B3GALNT1: variants seen among roughly 807,000 people sequenced by gnomAD.
B3GALNT1 encodes the protein beta-1,3-N-acetylgalactosaminyltransferase 1 (Globoside blood group).
In B3GALNT1, 17 loss-of-function variants were observed where a neutral mutation model predicts 27.3. The observed-to-expected ratio is 0.62, with a 90% CI of 0.43 to 0.94. The LOEUF is 0.94. Ranked by LOEUF, B3GALNT1 falls within the 40% of genes least tolerant of loss-of-function variation. B3GALNT1 has a pLI of 0.00. For synonymous variants in B3GALNT1, 141 were observed against 144.0 expected (o/e 0.98, Z 0.15); for missense variants, 347 against 390.0 (o/e 0.89, Z 0.93).
Position 161,101,212 on chromosome 3 carries a change from C to A in B3GALNT1, c.-108G>T, listed in dbSNP as rs978148581. On this transcript the variant is annotated 5_prime_UTR_variant, in exon 4 of 5. Transcript: ENST00000320474. ...CAGCGGGAAGAGCCAACAGGTCAAC[C>A]GGGTCCAGGGAGCTAAGAAAACTGG... 1 of 1,289,812 alleles carries A rather than the reference C, an allele frequency of 7.8e-7. No individual in the cohort carries two copies. The highest frequency in any genetic ancestry group is 1.2e-5 in the South Asian group (1 of 81,014). The allele number at this position is 1,289,812 out of a possible 1,614,324, so 79.9% of individuals were successfully genotyped here.
chr3:161,093,046 C>T (rs962162531), intron 4 of B3GALNT1, among the ~76,000 whole-genome samples: 34 of 152,064 alleles, frequency 2.2e-4, no homozygotes, highest in African/African-American at 6.3e-4. Flanking sequence ...CGTGAGCCAC[C>T]GCACCAGGCC....
rs1485193536 is a variant in B3GALNT1 at position 161,103,525 on chromosome 3, G to A, written c.-220-8C>T. The A allele has an allele frequency of 2.6e-6, 3 of 1,161,320 alleles. No homozygotes were observed. Among genetic ancestry groups the A allele is most frequent in the Non-Finnish European group, 3.4e-6 (3 of 883,488 alleles). The allele number at this position is 1,161,320 out of a possible 1,614,324, so 71.9% of individuals were successfully genotyped here. A position where few individuals can be genotyped will look rare whatever the true frequency, so the allele number is the denominator to read the frequency against. ...CAGATCTGTTGTGAACTACTGAACA[G>A]AAGAACAGAAAAAAATATATATGAG... On this transcript the variant is annotated splice_region_variant and splice_polypyrimidine_tract_variant and intron_variant, in intron 2 of 4. Coordinates refer to ENST00000320474, the MANE Select transcript of B3GALNT1 (RefSeq NM_003781.4).
intron 4 of B3GALNT1, among the ~76,000 whole-genome samples, chr3:161,092,807 C>T (rs188151686): frequency 1.4e-5 from 2 of 138,790 alleles, no homozygotes; most frequent in Admixed American, 1.5e-4. Context: ...CGCTCTGTCG[C>T]CCAGGCTGGA....
intron 4 of B3GALNT1, among the ~76,000 whole-genome samples, chr3:161,099,761 G>A (rs574400793): frequency 6.9e-4 from 105 of 152,210 alleles, no homozygotes; most frequent in African/African-American, 2.4e-3. Context: ...GAATGGCAGT[G>A]CTAACAGAAA....
intron 1 of B3GALNT1, chr3:161,105,021 C>G (rs1355228937): frequency 6.6e-6 from 1 of 152,358 alleles, no homozygotes; most frequent in Admixed American, 6.5e-5. Context: ...GGCAGCTGCT[C>G]GTCACCGAGA....
chr3:161,099,255 A>G (rs1244154005), intron 4 of B3GALNT1, among the ~76,000 whole-genome samples: 1 of 152,198 alleles, frequency 6.6e-6, no homozygotes, highest in African/African-American at 2.4e-5. Context: ...TTCTAATTAA[A>G]GAACGTGGGC....
intron 4 of B3GALNT1, among the ~76,000 whole-genome samples, chr3:161,087,581 A>G (rs1186732875): frequency 6.6e-6 from 1 of 152,194 alleles, no homozygotes; most frequent in Non-Finnish European, 1.5e-5. Flanking sequence ...CTCTTCAGAA[A>G]TCACACACCC....
In B3GALNT1 at chr3:161,084,418, T is replaced by C. The variant is rs1357465313; in HGVS notation, c.*1341A>G. Reference sequence around the variant, plus strand: ...ATGAGTATTACAAGAGCTGACTACATACTTTCAAGTTTATATTTCCTGACA... The same window carrying C: ...ATGAGTATTACAAGAGCTGACTACACACTTTCAAGTTTATATTTCCTGACA... On this transcript the variant is annotated 3_prime_UTR_variant, in exon 5 of 5. Coordinates refer to ENST00000320474, the MANE Select transcript of B3GALNT1 (RefSeq NM_003781.4). 6.6e-6 allele frequency: 1 copy of C among 152,210 alleles called. No homozygotes were observed. Among genetic ancestry groups the C allele is most frequent in the Non-Finnish European group, 1.5e-5 (1 of 68,026 alleles). 9.4% of individuals were successfully genotyped at this position (152,210 alleles called of 1,614,324 possible). A position where few individuals can be genotyped will look rare whatever the true frequency, so the allele number is the denominator to read the frequency against.
intron 4 of B3GALNT1, among the ~76,000 whole-genome samples, chr3:161,099,380 G>T (rs772130381): frequency 1.1e-4 from 16 of 152,182 alleles, no homozygotes; most frequent in Non-Finnish European, 2.1e-4. Flanking sequence ...GAAATTTGAT[G>T]GGAACACATT....
At chr3:161,090,934 T>A (rs763706964) in intron 4 of B3GALNT1, among the ~76,000 whole-genome samples, 69 of 152,100 alleles carry the variant, frequency 4.5e-4, no homozygotes, top group Non-Finnish European at 1.5e-4. Context: ...AGGAAGCAAA[T>A]AGCTCTAATT....
At chr3:161,104,222 A>G (rs979018993) in intron 2 of B3GALNT1, 97 bp downstream of exon 2, 1 of 959,506 alleles carries the variant, frequency 1.0e-6, no homozygotes, top group Non-Finnish European at 1.4e-6. Flanking sequence ...ATGCATACTA[A>G]GAGCACAAAT....
intron 3 of B3GALNT1, among the ~76,000 whole-genome samples, chr3:161,102,601 G>A (rs1040061943): frequency 2.0e-5 from 3 of 152,148 alleles, no homozygotes; most frequent in Non-Finnish European, 4.4e-5. Context: ...ATAGTCCCAA[G>A]AGAGATGTTT....
At chr3:161,101,267 A>G in intron 3 of B3GALNT1, 34 bp from the exon 4 acceptor site, 3 of 1,243,200 alleles carry the variant, frequency 2.4e-6, no homozygotes, top group Non-Finnish European at 3.2e-6. Context: ...AGTCAGGCAG[A>G]ACAGCAGCAA....
At chr3:161,096,938 C>T (rs1050946260) in intron 4 of B3GALNT1, among the ~76,000 whole-genome samples, 3 of 152,174 alleles carry the variant, frequency 2.0e-5, no homozygotes, top group Non-Finnish European at 2.9e-5. Flanking sequence ...TTTTAGTATA[C>T]GTGCTGCCAA....
Position 161,085,856 on chromosome 3 carries a change from C to T in B3GALNT1, c.899G>A (p.Cys300Tyr). 1 of 1,614,098 alleles carries T rather than the reference C, an allele frequency of 6.2e-7. No homozygotes were observed. Among genetic ancestry groups the T allele is most frequent in the Non-Finnish European group, 8.5e-7 (1 of 1,179,992 alleles). ...GGCTGCAATCACACGTCTCAGTTGA[C>T]AGACATCCAAATGGATTCTATATAG... Reference protein sequence around the residue: ...FFLYRIHLDVCQLRRVIAAHG... With the variant: ...FFLYRIHLDVYQLRRVIAAHG... Residue 300 changes from cysteine to tyrosine, a missense_variant, in exon 5 of 5, where the codon TGT becomes TAT. Cys to Tyr is a radical substitution (Grantham distance 194, BLOSUM62 -2). Coordinates refer to ENST00000320474, the MANE Select transcript of B3GALNT1 (RefSeq NM_003781.4).
rs1386723123 is a variant in B3GALNT1 at position 161,084,343 on chromosome 3, C to T, written c.*1416G>A. The T allele has an allele frequency of 6.6e-6, 1 of 152,172 alleles. No homozygotes were observed. Among genetic ancestry groups the T allele is most frequent in the Non-Finnish European group, 1.5e-5 (1 of 68,020 alleles). The allele number at this position is 152,172 out of a possible 1,614,324, so 9.4% of individuals were successfully genotyped here. ...GACATCACCTTGTTATACAGAATCA[C>T]ACATTATAGTTTTAACTGAAGTTGT... is the stretch of plus-strand genomic sequence containing the variant. On this transcript the variant is annotated 3_prime_UTR_variant, in exon 5 of 5. Coordinates refer to ENST00000320474, the MANE Select transcript of B3GALNT1 (RefSeq NM_003781.4).
intron 4 of B3GALNT1, among the ~76,000 whole-genome samples, chr3:161,099,825 C>T (rs1730243715): frequency 6.6e-6 from 1 of 152,080 alleles, no homozygotes; most frequent in Non-Finnish European, 1.5e-5. Context: ...CACACACACA[C>T]ACACACCCCT....
intron 4 of B3GALNT1, among the ~76,000 whole-genome samples, chr3:161,100,271 G>T (rs1186386980): frequency 3.9e-5 from 6 of 152,254 alleles, no homozygotes; most frequent in Admixed American, 2.0e-4. Flanking sequence ...GAATGAATTT[G>T]AAGTATTTAC....
chr3:161,094,848 C>G (rs937956591), intron 4 of B3GALNT1, among the ~76,000 whole-genome samples: 3 of 152,132 alleles, frequency 2.0e-5, no homozygotes, highest in Non-Finnish European at 4.4e-5. Flanking sequence ...CGGGCAACAA[C>G]GTTCACATTT....
Sources: allele counts gnomAD v4.1 joint callset (sites outside exome capture counted in the v4.1 genomes callset), GRCh38; gene constraint gnomAD v4.1.1; transcripts MANE v1.5; gene names NCBI Gene and HGNC (gene_info 2026-07-23, HGNC 2026-07-21).